Variants in TPCN1 observed in about 807,000 individuals in gnomAD.
TPCN1 encodes two pore segment channel 1.
TPCN1 carries 52 observed loss-of-function variants against 108.8 expected under a neutral mutation model. The ratio of observed to expected loss-of-function variants is 0.48; its 90% CI spans 0.38 to 0.60. The LOEUF (loss-of-function observed/expected upper bound fraction) is 0.60, where lower values mean the gene tolerates loss of function less well. Ranked by LOEUF, TPCN1 falls within the 20% of genes least tolerant of loss-of-function variation. TPCN1 has a pLI of 0.00. For synonymous variants in TPCN1, 446 were observed against 433.7 expected, an observed-to-expected ratio of 1.03 and a Z score of -0.35; for missense variants, 806 against 1,072.8, an observed-to-expected ratio of 0.75 and a Z score of 3.47.
At chr12:113,223,692 C>T (rs1368483632) in intron 1 of TPCN1, among the ~76,000 whole-genome samples, 1 of 152,056 alleles carries the variant, frequency 6.6e-6, no homozygotes, top group Non-Finnish European at 1.5e-5. Context: ...TACAGGCATG[C>T]ACCACCACAC....
chr12:113,289,027 G>A lies in TPCN1; in HGVS notation c.1796+180G>A, dbSNP rs779220701. Reference sequence around the variant, plus strand: ...TGAGCTAAATGAGGGGCCTGGACTCGGGGTCCCTGTTTCTCCATCCCCCAG... The same window carrying A: ...TGAGCTAAATGAGGGGCCTGGACTCAGGGTCCCTGTTTCTCCATCCCCCAG... On this transcript the variant is annotated intron_variant, in intron 21 of 27. Transcript: ENST00000335509. This position sits in a 1 kb window ranked among gnomAD's most constrained non-coding sequence, Gnocchi z 4.1. 5.3e-5 allele frequency among the ~76,000 whole-genome samples: 8 copies of A among 152,174 alleles called. No homozygotes were observed. Among genetic ancestry groups the A allele is most frequent in the African/African-American group, 9.7e-5 (4 of 41,446 alleles).
chr12:113,261,875 T>A (rs150628950), intron 3 of TPCN1, among the ~76,000 whole-genome samples: 1 of 152,172 alleles, frequency 6.6e-6, no homozygotes, highest in East Asian at 1.9e-4. Flanking sequence ...ATTATTTTAC[T>A]AGGAAAGTAA....
intron 2 of TPCN1, among the ~76,000 whole-genome samples, chr12:113,228,675 G>A (rs1953564594): frequency 1.3e-5 from 2 of 152,164 alleles, no homozygotes; most frequent in South Asian, 4.1e-4. Context: ...CCTCAATATA[G>A]GGTTGTTATT....
At chr12:113,224,873 A>G (rs1953413696) in intron 1 of TPCN1, among the ~76,000 whole-genome samples, 1 of 151,270 alleles carries the variant, frequency 6.6e-6, no homozygotes, top group Non-Finnish European at 1.5e-5. Flanking sequence ...GCCTCAGCCT[A>G]CAGAGTAGCT....
At chr12:113,239,793 C>T (rs1028762516) in intron 2 of TPCN1, among the ~76,000 whole-genome samples, 1 of 152,242 alleles carries the variant, frequency 6.6e-6, no homozygotes, top group African/African-American at 2.4e-5. Context: ...TTCCCCGTCG[C>T]CGCCCTACCA....
chr12:113,287,602 C>T (rs1003731206), intron 19 of TPCN1, among the ~76,000 whole-genome samples: 3 of 152,204 alleles, frequency 2.0e-5, no homozygotes, highest in African/African-American at 7.2e-5. Context: ...AGAGCCTGGG[C>T]TTGCCTCCTG....
intron 2 of TPCN1, among the ~76,000 whole-genome samples, chr12:113,247,976 C>T (rs138069443): frequency 6.6e-6 from 1 of 152,342 alleles, no homozygotes; most frequent in Non-Finnish European, 1.5e-5. Context: ...TGTTCTTTCA[C>T]CTTAGCTCTT....
intron 2 of TPCN1, among the ~76,000 whole-genome samples, chr12:113,245,600 C>CAAAA (rs766002477): frequency 7.0e-5 from 3 of 43,158 alleles, no homozygotes; most frequent in South Asian, 7.9e-4. Flanking sequence ...GACTCCGTCT[C>CAAAA]AAAAAAAAAA....
chr12:113,275,321 G>A (rs61943615), intron 10 of TPCN1, among the ~76,000 whole-genome samples: 2 of 149,400 alleles, frequency 1.3e-5, no homozygotes, highest in East Asian at 4.0e-4. Flanking sequence ...CACTGCAACC[G>A]CCGCCTCCCA....
At position 113,231,396 on chromosome 12, in the gene TPCN1, C is replaced by T. The variant is rs934871223; in HGVS notation, c.112+4432C>T. ...ATTGTCCCTGAGTCTGTGTGTCTGTCCTCTTCAGATAAGGACACCAGTCCT... is the reference window on the plus strand; with the variant it reads ...ATTGTCCCTGAGTCTGTGTGTCTGTTCTCTTCAGATAAGGACACCAGTCCT... On this transcript the variant is annotated intron_variant, in intron 2 of 27. Coordinates refer to ENST00000335509, the MANE Select transcript of TPCN1 (RefSeq NM_017901.6). The surrounding 1 kb of genome is among the most constrained non-coding windows in gnomAD (Gnocchi z 4.3). 2.0e-5 allele frequency among the ~76,000 whole-genome samples: 3 copies of T among 152,192 alleles called. No individual in the cohort carries two copies. The highest frequency in any genetic ancestry group is 7.2e-5 in the African/African-American group (3 of 41,444).
chr12:113,262,408 TAAAAAA>T (rs556927143), intron 3 of TPCN1, among the ~76,000 whole-genome samples: 1 of 102,798 alleles, frequency 9.7e-6, no homozygotes, highest in Non-Finnish European at 2.1e-5. Flanking sequence ...AGACCCTGTC[TAAAAAA>T]AAAAAAAAAA....
In TPCN1 at chr12:113,226,818, G is replaced by C; in HGVS notation, c.-35G>C. The C allele has an allele frequency of 1.9e-6, 3 of 1,614,080 alleles. No homozygotes were observed. Among genetic ancestry groups the C allele is most frequent in the Non-Finnish European group, 2.5e-6 (3 of 1,179,972 alleles). On this transcript the variant is annotated 5_prime_UTR_variant, in exon 2 of 28. Transcript: ENST00000335509. ...AAACCAGAGACTATTTCAAGCCCTG[G>C]ATATCATATCCTGAGGGCCACAGGA... is the stretch of plus-strand genomic sequence containing the variant.
At chr12:113,223,285 T>C (rs1242696864) in intron 1 of TPCN1, among the ~76,000 whole-genome samples, 2 of 152,218 alleles carry the variant, frequency 1.3e-5, no homozygotes, top group Non-Finnish European at 2.9e-5. Context: ...CTTGGAGTTG[T>C]TCCAATGATT....
Position 113,249,311 on chromosome 12 carries a change from T to C in TPCN1, c.113-11057T>C, listed in dbSNP as rs542599931. On this transcript the variant is annotated intron_variant, in intron 2 of 27. Transcript: ENST00000335509. ...GTATGCTGTCCATCAGAAGAGACAG[T>C]GGCCGGCGTACCGCACGGCAGACAG... Among the ~76,000 whole-genome samples the C allele has an allele frequency of 1.8e-4, 27 of 152,326 alleles. No individual in the cohort carries two copies. The South Asian group carries it at 5.0e-3, about 28-fold the overall frequency.
At chr12:113,243,812 A>G (rs536775954) in intron 2 of TPCN1, among the ~76,000 whole-genome samples, 14 of 152,320 alleles carry the variant, frequency 9.2e-5, no homozygotes, top group Admixed American at 5.2e-4. Flanking sequence ...GGTGTTCTCA[A>G]GGCAATGTTT....
intron 27 of TPCN1, 46 bp from the exon 28 acceptor site, chr12:113,295,898 TGGGGTGGGCGGGGCAG>T: frequency 4.6e-6 from 5 of 1,088,684 alleles, no homozygotes; most frequent in Non-Finnish European, 6.4e-6. Flanking sequence ...TGTGACCTTG[TGGGGTGGGCGGGGCAG>T]GGGGTGGGGT....
intron 15 of TPCN1, among the ~76,000 whole-genome samples, chr12:113,281,697 C>T (rs1955890269): frequency 1.3e-5 from 2 of 152,246 alleles, no homozygotes; most frequent in Non-Finnish European, 1.5e-5. Flanking sequence ...TGCCACCACA[C>T]CTGGCTAATT....
chr12:113,223,878 G>A (rs1480247332), intron 1 of TPCN1, among the ~76,000 whole-genome samples: 3 of 152,032 alleles, frequency 2.0e-5, no homozygotes, highest in African/African-American at 7.2e-5. Flanking sequence ...TTAAGGATGA[G>A]CACTTTTACT....
intron 2 of TPCN1, among the ~76,000 whole-genome samples, chr12:113,255,764 A>G (rs368827607): frequency 6.6e-6 from 1 of 151,874 alleles, no homozygotes; most frequent in Admixed American, 6.6e-5. Flanking sequence ...TCCTAAGCTC[A>G]GGTGATCCAC....
Sources: allele counts gnomAD v4.1 joint callset (sites outside exome capture counted in the v4.1 genomes callset), GRCh38; gene constraint gnomAD v4.1.1; non-coding constraint Gnocchi (gnomAD v3.1); transcripts MANE v1.5; gene names NCBI Gene and HGNC (gene_info 2026-07-23, HGNC 2026-07-21).